Variants in C3orf20 observed in about 807,000 individuals in gnomAD.
C3orf20 encodes family with sequence similarity 149 member C.
Under a neutral mutation model 88.3 loss-of-function variants are expected in C3orf20, and 76 were observed. The observed-to-expected ratio is 0.86, with a 90% CI of 0.72 to 1.04. C3orf20 has a LOEUF of 1.04. Among genes scored for constraint, C3orf20 ranks in the 50% least tolerant of loss-of-function variants. C3orf20 has a pLI of 0.00. For synonymous variants in C3orf20, 436 were observed against 437.4 expected (o/e 1.00, Z 0.04); for missense variants, 1,056 against 1,123.3 (o/e 0.94, Z 0.86).
intron 5 of C3orf20, among the ~76,000 whole-genome samples, chr3:14,697,709 A>ACCC (rs143422990): frequency 3.0e-5 from 3 of 100,966 alleles, no homozygotes; most frequent in Non-Finnish European, 5.9e-5. Flanking sequence ...CCAGCCCCCA[A>ACCC]CCCCCCTGCT....
intron 14 of C3orf20, among the ~76,000 whole-genome samples, chr3:14,760,299 T>C (rs2035519446): frequency 6.6e-6 from 1 of 152,220 alleles, no homozygotes; most frequent in East Asian, 1.9e-4. Flanking sequence ...TTAAATGGCT[T>C]TATCCTAAAA....
intron 7 of C3orf20, among the ~76,000 whole-genome samples, chr3:14,709,326 C>T (rs1180624864): frequency 6.6e-6 from 1 of 152,104 alleles, no homozygotes; most frequent in African/African-American, 2.4e-5. Context: ...AATTTTACTT[C>T]TTCCTTTCCA....
rs773456600 is a variant in C3orf20 at position 14,713,979 on chromosome 3, G to A, written c.1161-28G>A. On this transcript the variant is annotated intron_variant, in intron 7 of 16. Coordinates refer to ENST00000253697, the MANE Select transcript of C3orf20 (RefSeq NM_032137.5). The stretch of plus-strand genomic sequence containing the variant: ...GAGAGCAGAACCAGGGGAGTTTTCT[G>A]TTAGTTCTACCTGAACATTTCTGCC... The A allele has an allele frequency of 5.6e-6, 9 of 1,612,796 alleles. No homozygotes were observed. In the East Asian group the frequency reaches 6.7e-5, roughly 12 times the overall value.
At position 14,759,886 on chromosome 3, in the gene C3orf20, G is replaced by A. The variant is rs372538812; in HGVS notation, c.2245-5G>A. ...TGACCAGTTCTCATATTTCTCTCCTGGTAGTGCCGGTATGACTCCTACCGC... is the reference window on the plus strand; with the variant it reads ...TGACCAGTTCTCATATTTCTCTCCTAGTAGTGCCGGTATGACTCCTACCGC... On this transcript the variant is annotated splice_polypyrimidine_tract_variant and splice_region_variant and intron_variant, in intron 13 of 16. Coordinates refer to ENST00000253697, the MANE Select transcript of C3orf20 (RefSeq NM_032137.5). 41 of 1,611,890 alleles carry A rather than the reference G, an allele frequency of 2.5e-5. No individual in the cohort carries two copies. Among genetic ancestry groups the A allele is most frequent in the Non-Finnish European group, 3.2e-5 (38 of 1,178,024 alleles).
intron 7 of C3orf20, among the ~76,000 whole-genome samples, chr3:14,713,680 T>C (rs1023184172): frequency 7.9e-5 from 12 of 152,184 alleles, no homozygotes; most frequent in African/African-American, 2.9e-4. Flanking sequence ...CTGGTTTGCC[T>C]GGGACTTTTT....
chr3:14,760,963 A>G (rs1162315119), intron 14 of C3orf20, among the ~76,000 whole-genome samples: 1 of 152,126 alleles, frequency 6.6e-6, no homozygotes, highest in African/African-American at 2.4e-5. Context: ...GCCGTCATGA[A>G]TATTTTTGCA....
Position 14,772,624 on chromosome 3 carries a change from T to C in C3orf20, c.2631-167T>C, listed in dbSNP as rs1207281479. Among the ~76,000 whole-genome samples, 2 of 152,132 alleles carry C rather than the reference T, an allele frequency of 1.3e-5. No homozygotes were observed. The highest frequency in any genetic ancestry group is 4.8e-5 in the African/African-American group (2 of 41,420). ...AGATAGAAAAGCAAAATTAGGAGCA[T>C]GTAGAAAGGTCGCAGGTGCCACCGG... is the stretch of plus-strand genomic sequence containing the variant. On this transcript the variant is annotated intron_variant, in intron 16 of 16. Transcript: ENST00000253697. This position sits in a 1 kb window ranked among gnomAD's most constrained non-coding sequence, Gnocchi z 4.2.
Position 14,772,851 on chromosome 3 carries a change from G to A in C3orf20, c.2691G>A (p.Trp897Ter). The A allele has an allele frequency of 6.2e-7, 1 of 1,614,070 alleles. No homozygotes were observed. Among genetic ancestry groups the A allele is most frequent in the Non-Finnish European group, 8.5e-7 (1 of 1,179,980 alleles). ...GCAGGGACAGCAAGATAACTAGTTG[G>A]AAGAAGCAGGCCTCCAAGAAGTAGC... is the stretch of plus-strand genomic sequence containing the variant. Reference protein sequence around the residue: ...PLSRDSKITSWKKQASKK With the variant: ...PLSRDSKITS The change falls in exon 17 of 17, where the codon TGG becomes TGA. Residue 897 changes from tryptophan to a stop codon, truncating the protein, a stop_gained. Coordinates refer to ENST00000253697, the MANE Select transcript of C3orf20 (RefSeq NM_032137.5). LOFTEE classifies it high-confidence loss of function. The surrounding 1 kb of genome is among the most constrained non-coding windows in gnomAD (Gnocchi z 4.2).
chr3:14,691,893 A>C (rs201495402), intron 5 of C3orf20, among the ~76,000 whole-genome samples: 1 of 151,364 alleles, frequency 6.6e-6, no homozygotes, highest in Non-Finnish European at 1.5e-5. Context: ...AGCCCTCCCC[A>C]CTCCACACTA....
Position 14,768,377 on chromosome 3 carries a change from G to A in C3orf20, c.2496-3690G>A, listed in dbSNP as rs1158020320. 6.6e-6 allele frequency among the ~76,000 whole-genome samples: 1 copy of A among 151,958 alleles called. No individual in the cohort carries two copies. Among genetic ancestry groups the A allele is most frequent in the Non-Finnish European group, 1.5e-5 (1 of 68,006 alleles). ...TGAGGAACAGCAATCCACCCTTACC[G>A]GCTGCTCATGCCAGCAACCCCACAC... On this transcript the variant is annotated intron_variant, in intron 15 of 16. Transcript: ENST00000253697. The surrounding 1 kb of genome is among the most constrained non-coding windows in gnomAD (Gnocchi z 4.1).
chr3:14,727,757 AT>A (rs1025621012), intron 11 of C3orf20, among the ~76,000 whole-genome samples: 2 of 151,576 alleles, frequency 1.3e-5, no homozygotes, highest in African/African-American at 4.9e-5. Flanking sequence ...TTAATTATTT[AT>A]TTTTTCTTTT....
intron 12 of C3orf20, among the ~76,000 whole-genome samples, chr3:14,735,535 T>C (rs1022497258): frequency 6.6e-6 from 1 of 152,166 alleles, no homozygotes; most frequent in Non-Finnish European, 1.5e-5. Flanking sequence ...TTTGCACTAT[T>C]GTTGTCATGT....
At chr3:14,745,385 G>C (rs1410334199) in intron 12 of C3orf20, among the ~76,000 whole-genome samples, 1 of 152,218 alleles carries the variant, frequency 6.6e-6, no homozygotes, top group Admixed American at 6.5e-5. Context: ...ATGCAAGCAA[G>C]TGCAAATATG....
intron 9 of C3orf20, 109 bp from the exon 10 acceptor site, chr3:14,721,544 A>T: frequency 6.9e-7 from 1 of 1,452,034 alleles, no homozygotes; most frequent in East Asian, 2.3e-5. Context: ...AGCTCTTACA[A>T]ATCTTCTGCC....
chr3:14,730,305 T>G (rs1338440301), intron 12 of C3orf20, among the ~76,000 whole-genome samples: 2 of 152,160 alleles, frequency 1.3e-5, no homozygotes, highest in Non-Finnish European at 2.9e-5. Context: ...CCCAGCACTT[T>G]GGGAGGCCGA....
At chr3:14,683,494 G>T (rs2032223171) in intron 3 of C3orf20, among the ~76,000 whole-genome samples, 1 of 152,106 alleles carries the variant, frequency 6.6e-6, no homozygotes, top group Non-Finnish European at 1.5e-5. Flanking sequence ...CCCATGTCCG[G>T]GTGGCATATG....
At chr3:14,732,901 T>C (rs2034585089) in intron 12 of C3orf20, among the ~76,000 whole-genome samples, 1 of 116,606 alleles carries the variant, frequency 8.6e-6, no homozygotes, top group South Asian at 2.6e-4. Flanking sequence ...GAATTGAAGT[T>C]TGTTTGTTTT....
At chr3:14,752,791 T>C (rs1045243221) in intron 12 of C3orf20, among the ~76,000 whole-genome samples, 2 of 152,116 alleles carry the variant, frequency 1.3e-5, no homozygotes, top group Admixed American at 6.5e-5. Context: ...TAATGAGATA[T>C]CATCTCACGC....
At position 14,772,013 on chromosome 3, in the gene C3orf20, C is replaced by T. The variant is rs979558561; in HGVS notation, c.2496-54C>T. ...GGCTCCCAGAACACTGATGGGACAG[C>T]GTGCAGTGCACCCTGGGCCCTGAGC... On this transcript the variant is annotated intron_variant, in intron 15 of 16. Transcript: ENST00000253697. This position sits in a 1 kb window ranked among gnomAD's most constrained non-coding sequence, Gnocchi z 4.2. 6 of 1,603,342 alleles carry T rather than the reference C, an allele frequency of 3.7e-6. No individual in the cohort carries two copies. Among genetic ancestry groups the T allele is most frequent in the African/African-American group, 2.7e-5 (2 of 74,766 alleles).
Sources: gnomAD v4.1 joint callset for allele counts (sites outside exome capture counted in the v4.1 genomes callset) on GRCh38, gnomAD v4.1.1 for gene constraint, Gnocchi (gnomAD v3.1) non-coding constraint, MANE v1.5 for transcripts, NCBI Gene and HGNC (gene_info 2026-07-23, HGNC 2026-07-21) for gene names.